The following SETD2 variants were observed in gnomAD, a reference collection of about 807,000 sequenced individuals.
The protein encoded by SETD2 is SET domain containing 2, histone lysine methyltransferase, also known as histone-lysine N-methyltransferase SETD2.
SETD2 carries 31 observed loss-of-function variants against 242.1 expected under a neutral mutation model. The observed-to-expected ratio is 0.13, with a 90% CI of 0.10 to 0.17. The LOEUF (loss-of-function observed/expected upper bound fraction) is 0.17. Ranked by LOEUF, SETD2 falls within the 10% of genes least tolerant of loss-of-function variation. The pLI is 1.00. For missense variants in SETD2, 2,481 were observed against 3,046.3 expected, an observed-to-expected ratio of 0.81 and a Z score of 4.37; for synonymous variants, 1,006 against 1,066.5, an observed-to-expected ratio of 0.94 and a Z score of 1.11.
intron 9 of SETD2, among the ~76,000 whole-genome samples, chr3:47,097,121 C>G (rs2042040849): frequency 6.6e-6 from 1 of 152,064 alleles, no homozygotes; most frequent in Non-Finnish European, 1.5e-5. Flanking sequence ...GTATTAAGTT[C>G]CTGAAAAGTC....
rs2107674941 is a variant in SETD2 at position 47,098,087 on chromosome 3, C to G, written c.5016-6G>C. 1.2e-6 allele frequency: 2 copies of G among 1,613,560 alleles called. No homozygotes were observed. The highest frequency in any genetic ancestry group is 1.7e-6 in the Non-Finnish European group (2 of 1,179,708). ...AACATTTCTGGGCTTCTTTTCTGTT[C>G]AAAGAGCATAGGAAAGAAGTCAGCT... On this transcript the variant is annotated splice_polypyrimidine_tract_variant and splice_region_variant and intron_variant, in intron 8 of 20. Coordinates refer to ENST00000409792, the MANE Select transcript of SETD2 (RefSeq NM_014159.7).
At chr3:47,034,104 C>T (rs1470060912) in intron 18 of SETD2, among the ~76,000 whole-genome samples, 2 of 152,192 alleles carry the variant, frequency 1.3e-5, no homozygotes, top group Admixed American at 1.3e-4. Flanking sequence ...TTGTTCACAA[C>T]AGGAAATACA....
At chr3:47,054,945 T>C (rs970882608) in intron 15 of SETD2, among the ~76,000 whole-genome samples, 5 of 152,128 alleles carry the variant, frequency 3.3e-5, no homozygotes, top group African/African-American at 9.7e-5. Context: ...TTTTAAGGAA[T>C]TGAGTCAAAT....
intron 14 of SETD2, 79 bp from the exon 15 acceptor site, chr3:47,057,569 C>T: frequency 9.5e-7 from 1 of 1,048,546 alleles, no homozygotes; most frequent in Non-Finnish European, 1.4e-6. Flanking sequence ...TATTATGTCA[C>T]TCATGACTAA....
intron 9 of SETD2, among the ~76,000 whole-genome samples, chr3:47,095,660 A>G (rs2041977640): frequency 6.6e-6 from 1 of 152,194 alleles, no homozygotes; most frequent in Non-Finnish European, 1.5e-5. Flanking sequence ...TGCAAAAGAG[A>G]CATGTGCAAA....
chr3:47,098,218 G>A, intron 8 of SETD2, 137 bp from the exon 9 acceptor site: 2 of 684,676 alleles, frequency 2.9e-6, no homozygotes, highest in Non-Finnish European at 4.5e-6. Flanking sequence ...ATTCCAACAA[G>A]TCTGCTATTA....
Position 47,121,574 on chromosome 3 carries a change from C to T in SETD2, c.3062G>A (p.Cys1021Tyr), listed in dbSNP as rs1046111474. 5 of 1,614,124 alleles carry T rather than the reference C, an allele frequency of 3.1e-6. No individual in the cohort carries two copies. In the South Asian group the frequency reaches 4.4e-5, roughly 14 times the overall value. ...DSDGVTYALK[C>Y]DSSGHAPEIV... ...TTCTGGGGCATGACCACTACTGTCA[C>T]ACTTTAATGCATAAGTTACACCATC... is the stretch of plus-strand genomic sequence containing the variant. Residue 1021 changes from cysteine (C) to tyrosine (Y), a missense_variant, in exon 3 of 21, where the codon TGT (cysteine) becomes TAT (tyrosine). Physicochemically the swap from Cys to Tyr is radical, Grantham distance 194. Coordinates refer to ENST00000409792, the MANE Select transcript of SETD2 (RefSeq NM_014159.7).
chr3:47,156,954 C>G lies in SETD2; in HGVS notation c.71+6900G>C, dbSNP rs534822326. Among the ~76,000 whole-genome samples the G allele has an allele frequency of 2.1e-4, 32 of 152,000 alleles. 1 individual carries two copies. In the South Asian group the frequency reaches 6.4e-3, roughly 31 times the overall value. ...ACCAGCCTGGGCAACACACCAAAAC[C>G]CTGTCTCTATAAAAAATAAAAAATT... On this transcript the variant is annotated intron_variant, in intron 1 of 20. Transcript: ENST00000409792.
In SETD2 at chr3:47,160,258, T is replaced by C. The variant is rs78707366; in HGVS notation, c.71+3596A>G. Among the ~76,000 whole-genome samples the C allele has an allele frequency of 3.1e-4, 47 of 152,226 alleles. 1 individual carries two copies. In the East Asian group the frequency reaches 8.7e-3, roughly 28 times the overall value. On this transcript the variant is annotated intron_variant, in intron 1 of 20. Coordinates refer to ENST00000409792, the MANE Select transcript of SETD2 (RefSeq NM_014159.7). ...CTGAATCCCCCTTACTCTATTCCAC[T>C]TTCCAAAGCACTTACCTTTGAACAC... is the stretch of plus-strand genomic sequence containing the variant.
chr3:47,118,799 A>ATT (rs2042962593), intron 3 of SETD2, among the ~76,000 whole-genome samples: 1 of 152,124 alleles, frequency 6.6e-6, no homozygotes. Flanking sequence ...TGCTAAAGAA[A>ATT]AGTCAGAGAA....
chr3:47,124,131 G>A lies in SETD2; in HGVS notation c.505C>T (p.His169Tyr), dbSNP rs2043229978. 7.1e-6 allele frequency: 11 copies of A among 1,551,888 alleles called. No individual in the cohort carries two copies. The highest frequency in any genetic ancestry group is 1.4e-5 in the African/African-American group (1 of 73,064). The change falls in exon 3 of 21, where the codon CAT becomes TAT. Residue 169 changes from histidine (H) to tyrosine (Y), a missense_variant. By Grantham distance (83) the His-to-Tyr change is moderately conservative. Transcript: ENST00000409792. ...TTTAVASPPT[H>Y]AAPLPAVIAE... ...ATCACTGCTGGTAATGGTGCTGCAT[G>A]AGTAGGTGGAGATGCTACTGCTGTG...
At position 47,016,735 on chromosome 3, in the gene SETD2, T is replaced by C. The variant is rs2037998203; in HGVS notation, c.*358A>G. On this transcript the variant is annotated 3_prime_UTR_variant, in exon 21 of 21. Transcript: ENST00000409792. Reference sequence around the variant, plus strand: ...TATTCACATATACATTAAAATATAATACAGATCATCAGGGTAAAGGGTTGT... The same window carrying C: ...TATTCACATATACATTAAAATATAACACAGATCATCAGGGTAAAGGGTTGT... 3.7e-6 allele frequency: 1 copy of C among 270,794 alleles called. No individual in the cohort carries two copies. Among genetic ancestry groups the C allele is most frequent in the Non-Finnish European group, 7.1e-6 (1 of 141,584 alleles). The allele number at this position is 270,794 out of a possible 1,614,324, so 16.8% of individuals were successfully genotyped here. A position where few individuals can be genotyped will look rare whatever the true frequency, so the allele number is the denominator to read the frequency against.
At chr3:47,162,465 AACTT>A (rs1286279589) in intron 1 of SETD2, among the ~76,000 whole-genome samples, 1 of 152,240 alleles carries the variant, frequency 6.6e-6, no homozygotes, top group Non-Finnish European at 1.5e-5. Context: ...AAGCCATGTT[AACTT>A]ACTATTGCAA....
At chr3:47,132,122 T>C (rs1196095647) in intron 1 of SETD2, among the ~76,000 whole-genome samples, 2 of 150,652 alleles carry the variant, frequency 1.3e-5, no homozygotes, top group Non-Finnish European at 2.9e-5. Context: ...TATATGAACA[T>C]ACACATATCT....
chr3:47,092,426 GGTAA>G (rs1207781399), intron 9 of SETD2, among the ~76,000 whole-genome samples: 2 of 151,344 alleles, frequency 1.3e-5, no homozygotes, highest in Non-Finnish European at 1.5e-5. Context: ...AAGAATATGA[GGTAA>G]GTAACTAAAA....
intron 1 of SETD2, among the ~76,000 whole-genome samples, chr3:47,133,888 T>C (rs572955447): frequency 1.3e-5 from 2 of 152,246 alleles, no homozygotes; most frequent in Admixed American, 1.3e-4. Flanking sequence ...GTAACGATAC[T>C]GTGAAGAGAA....
rs1575709168 is a variant in SETD2 at position 47,062,306 on chromosome 3, T to C, written c.6150A>G (p.Gln2050=). The C allele has an allele frequency of 6.2e-7, 1 of 1,612,762 alleles. No homozygotes were observed. Among genetic ancestry groups the C allele is most frequent in the Non-Finnish European group, 8.5e-7 (1 of 1,179,564 alleles). Residue 2050 remains glutamine (Q), a synonymous_variant, in exon 14 of 21, where the codon CAA becomes CAG. Transcript: ENST00000409792. The stretch of plus-strand genomic sequence containing the variant: ...TATTAGGAGTCTTCGGGGCAGGTGT[T>C]TGATCTCTGAAGCCAACAGCATCCC... The part of the protein sequence containing the change: ...RGRDAVGFRD[Q]TPAPKTPNRS...
chr3:47,102,431 A>G (rs1411482617), intron 7 of SETD2, among the ~76,000 whole-genome samples: 1 of 152,236 alleles, frequency 6.6e-6, no homozygotes, highest in African/African-American at 2.4e-5. Flanking sequence ...CAAAAGTGCT[A>G]TTTCAACATG....
chr3:47,097,932 T>G (rs1274434231), intron 9 of SETD2, 23 bp downstream of exon 9: 7 of 1,609,720 alleles, frequency 4.3e-6, no homozygotes, highest in South Asian at 1.1e-5. Context: ...ATTGTGAAAG[T>G]TGAAAGAAAA....
Sources: gnomAD v4.1 joint callset for allele counts (sites outside exome capture counted in the v4.1 genomes callset) on GRCh38, gnomAD v4.1.1 for gene constraint, MANE v1.5 for transcripts, NCBI Gene and HGNC (gene_info 2026-07-23, HGNC 2026-07-21) for gene names.